Variants in TRPV5 observed in about 807,000 individuals in gnomAD.
The protein encoded by TRPV5 is calcium transport protein 2.
TRPV5 carries 66 observed loss-of-function variants against 74.1 expected under a neutral mutation model. The observed-to-expected ratio is 0.89, with a 90% CI of 0.73 to 1.09. The LOEUF (loss-of-function observed/expected upper bound fraction) is 1.09, where lower values mean the gene tolerates loss of function less well. TRPV5 is among the 50% of genes least tolerant of loss of function. TRPV5 has a pLI of 0.00. For synonymous variants in TRPV5, 399 were observed against 360.7 expected (o/e 1.11, Z -1.20); for missense variants, 936 against 930.4 (o/e 1.01, Z -0.08).
rs546725178 is a variant in TRPV5, at chr7:142,925,491, G to C, written c.1122+38C>G. 291 of 1,606,690 alleles carry C rather than the reference G, an allele frequency of 1.8e-4. 1 individual carries two copies. The South Asian group carries it at 2.6e-3, about 14-fold the overall frequency. ...TTCGTTTCCAGCACCATCACCCCTT[G>C]ATGCAATTCTCTCTCATCCCCTTCT... On this transcript the variant is annotated intron_variant, in intron 8 of 14. Coordinates refer to ENST00000265310, the MANE Select transcript of TRPV5 (RefSeq NM_019841.7).
In TRPV5 at chr7:142,915,463, G is replaced by A. The variant is rs1374317933; in HGVS notation, c.1209+19C>T. ...CCTTAGATGGGATGGGATTAGCCTG[G>A]ACCCCGCCTGCCCCTCACCTCTAGG... is the stretch of plus-strand genomic sequence containing the variant. On this transcript the variant is annotated intron_variant, in intron 9 of 14. Coordinates refer to ENST00000265310, the MANE Select transcript of TRPV5 (RefSeq NM_019841.7). 2.5e-6 allele frequency: 4 copies of A among 1,613,106 alleles called. No homozygotes were observed. Among genetic ancestry groups the A allele is most frequent in the Non-Finnish European group, 3.4e-6 (4 of 1,179,354 alleles).
intron 14 of TRPV5, 23 bp downstream of exon 14, chr7:142,909,467 T>C (rs768538242): frequency 1.9e-6 from 3 of 1,612,770 alleles, no homozygotes; most frequent in Non-Finnish European, 2.5e-6. Flanking sequence ...TCTGCAGTTT[T>C]GCATGTGCAC....
At chr7:142,921,568 C>T (rs113791449) in intron 8 of TRPV5, among the ~76,000 whole-genome samples, 4 of 152,286 alleles carry the variant, frequency 2.6e-5, no homozygotes, top group African/African-American at 9.6e-5. Context: ...GCCTGAGCCA[C>T]CGTGCCCAGC....
In TRPV5 at chr7:142,925,758, G is replaced by A. The variant is rs1170986577; in HGVS notation, c.910-17C>T. 6.2e-7 allele frequency: 1 copy of A among 1,609,426 alleles called. No individual in the cohort carries two copies. Among genetic ancestry groups the A allele is most frequent in the African/African-American group, 1.3e-5 (1 of 74,812 alleles). On this transcript the variant is annotated splice_polypyrimidine_tract_variant and intron_variant, in intron 7 of 14. Transcript: ENST00000265310. ...TTGGCGAGCCTGGCATGGAAGTAGA[G>A]TGAAACTTGGGGTGACCAACACAGA...
chr7:142,924,561 A>G (rs1016845635), intron 8 of TRPV5, among the ~76,000 whole-genome samples: 30 of 151,618 alleles, frequency 2.0e-4, no homozygotes, highest in Non-Finnish European at 7.4e-5. Context: ...GAAAGTTTAT[A>G]TTCTCTTTCC....
intron 12 of TRPV5, among the ~76,000 whole-genome samples, chr7:142,913,970 A>G (rs1795749183): frequency 6.6e-6 from 1 of 150,692 alleles, no homozygotes; most frequent in Non-Finnish European, 1.5e-5. Flanking sequence ...GGCTGTTTCC[A>G]CCTGCCTGTG....
At position 142,928,755 on chromosome 7, in the gene TRPV5, T is replaced by C. The variant is rs1796031826; in HGVS notation, c.698A>G (p.Asp233Gly). ...GAGACCCTGGTGATTGGGCACAAGG[T>C]CCAGGGGCTGCAGGTGGTCCCCATG... ...DGHGDHLQPL[D>G]LVPNHQGLTP... The change falls in exon 6 of 15, where the codon GAC becomes GGC. Residue 233 changes from aspartate to glycine, a missense_variant. Coordinates refer to ENST00000265310, the MANE Select transcript of TRPV5 (RefSeq NM_019841.7). The C allele has an allele frequency of 6.2e-7, 1 of 1,614,006 alleles. No individual in the cohort carries two copies. The highest frequency in any genetic ancestry group is 1.3e-5 in the African/African-American group (1 of 74,892).
chr7:142,917,253 A>G (rs1056786824), intron 8 of TRPV5, among the ~76,000 whole-genome samples: 1 of 152,108 alleles, frequency 6.6e-6, no homozygotes. Flanking sequence ...TCCTTCACAG[A>G]GTCAGGTAGT....
chr7:142,925,765 T>C, intron 7 of TRPV5, 24 bp from the exon 8 acceptor site: 1 of 1,604,720 alleles, frequency 6.2e-7, no homozygotes, highest in East Asian at 2.2e-5. Flanking sequence ...AGAGTGAAAC[T>C]TGGGGTGACC....
intron 6 of TRPV5, among the ~76,000 whole-genome samples, chr7:142,928,489 C>A (rs1796026577): frequency 6.6e-6 from 1 of 152,174 alleles, no homozygotes. Flanking sequence ...AGGTAAGGTT[C>A]TCAAATCCTC....
chr7:142,929,292 T>A (rs2116607178), intron 4 of TRPV5, 136 bp downstream of exon 4: 1 of 1,498,474 alleles, frequency 6.7e-7, no homozygotes, highest in East Asian at 2.3e-5. Flanking sequence ...GCCTCTGGCT[T>A]AATTAAGCCC....
chr7:142,912,692 G>T lies in TRPV5; in HGVS notation c.1578C>A (p.Tyr526Ter). The change falls in exon 13 of 15, where the codon TAC becomes TAA. Residue 526 changes from tyrosine to a stop codon, truncating the protein, a stop_gained. Transcript: ENST00000265310. LOFTEE classifies it high-confidence loss of function. ...CAAAGGTGGTGAACAGTGCCATGGG[G>T]TAGTCATAGAATTGCCCCAGACTGG... The part of the protein sequence containing the change: ...DPTSLGQFYD[Y>*]PMALFTTFEL... 1 of 1,614,258 alleles carries T rather than the reference G, an allele frequency of 6.2e-7. No individual in the cohort carries two copies. Among genetic ancestry groups the T allele is most frequent in the South Asian group, 1.1e-5 (1 of 91,086 alleles).
intron 3 of TRPV5, 44 bp downstream of exon 3, chr7:142,930,014 C>G (rs762304985): frequency 6.2e-7 from 1 of 1,613,518 alleles, no homozygotes; most frequent in South Asian, 1.1e-5. Flanking sequence ...AGCACACCCT[C>G]CATCTCAAAG....
chr7:142,918,822 A>C (rs1330563297), intron 8 of TRPV5, among the ~76,000 whole-genome samples: 1 of 152,216 alleles, frequency 6.6e-6, no homozygotes, highest in Non-Finnish European at 1.5e-5. Flanking sequence ...TTGATTTGTA[A>C]GTCATGAGCA....
chr7:142,933,160 A>G (rs1353043058), intron 1 of TRPV5, among the ~76,000 whole-genome samples, 172 bp downstream of exon 1: 1 of 152,150 alleles, frequency 6.6e-6, no homozygotes, highest in African/African-American at 2.4e-5. Flanking sequence ...ACCGCCACTA[A>G]AAGGGGCCAG....
chr7:142,931,017 ATTTTTTTT>A (rs35738386), intron 1 of TRPV5, among the ~76,000 whole-genome samples: 5 of 100,318 alleles, frequency 5.0e-5, no homozygotes, highest in East Asian at 3.1e-4. Flanking sequence ...CCCTCAGGCT[ATTTTTTTT>A]TTTTTTTTTT....
intron 13 of TRPV5, among the ~76,000 whole-genome samples, chr7:142,909,952 C>T (rs746049166): frequency 1.8e-4 from 27 of 152,176 alleles, no homozygotes; most frequent in African/African-American, 3.1e-4. Flanking sequence ...AGAATCTCTA[C>T]GATCTTGGGG....
rs904389893 is a variant in TRPV5 at position 142,929,660 on chromosome 7, T to G, written c.350-95A>C. On this transcript the variant is annotated intron_variant, in intron 3 of 14. Coordinates refer to ENST00000265310, the MANE Select transcript of TRPV5 (RefSeq NM_019841.7). Reference sequence around the variant, plus strand: ...ACCATCCCTCTCAGGAGGTTCCTGATAGATCTTTGCTAGACTTCTGCCCTG... The same window carrying G: ...ACCATCCCTCTCAGGAGGTTCCTGAGAGATCTTTGCTAGACTTCTGCCCTG... 1.1e-5 allele frequency: 17 copies of G among 1,547,376 alleles called. 1 individual carries two copies. In the African/African-American group the frequency reaches 1.5e-4, roughly 14 times the overall value.
intron 9 of TRPV5, 26 bp downstream of exon 9, chr7:142,915,456 T>C: frequency 6.2e-7 from 1 of 1,613,098 alleles, no homozygotes; most frequent in African/African-American, 1.3e-5. Flanking sequence ...GGGATGGGAT[T>C]AGCCTGGACC....
Sources: allele counts gnomAD v4.1 joint callset (sites outside exome capture counted in the v4.1 genomes callset), GRCh38; gene constraint gnomAD v4.1.1; transcripts MANE v1.5; gene names NCBI Gene and HGNC (gene_info 2026-07-23, HGNC 2026-07-21).